The following CNTLN variants were observed in gnomAD, a reference collection of about 807,000 sequenced individuals.
The protein encoded by CNTLN is centlein.
Under a neutral mutation model 180.0 loss-of-function variants are expected in CNTLN, and 212 were observed. That is an observed-to-expected ratio of 1.18 (90% CI 1.05 to 1.32). The LOEUF is 1.32. CNTLN is among the 40% of genes most tolerant of loss of function. The pLI, the probability that CNTLN is intolerant of heterozygous loss-of-function variation, is 0.00. For missense variants in CNTLN, 2,095 were observed against 1,610.9 expected, an observed-to-expected ratio of 1.30 and a Z score of -5.14; for synonymous variants, 722 against 563.1, an observed-to-expected ratio of 1.28 and a Z score of -3.99.
intron 23 of CNTLN, among the ~76,000 whole-genome samples, chr9:17,475,739 G>T (rs1832300321): frequency 6.6e-6 from 1 of 151,942 alleles, no homozygotes; most frequent in South Asian, 2.1e-4. Flanking sequence ...TGGGCATGGT[G>T]GTGGGCACCT....
chr9:17,234,375 C>T (rs115797560), intron 3 of CNTLN, among the ~76,000 whole-genome samples: 7 of 151,824 alleles, frequency 4.6e-5, no homozygotes, highest in African/African-American at 7.3e-5. Flanking sequence ...TCCAGGAGTT[C>T]GAGGCTGCCG....
At position 17,298,269 on chromosome 9, in the gene CNTLN, CT is replaced by C. The variant is rs1415573144; in HGVS notation, c.1065del (p.Gln356ArgfsTer11). ...CCAGCAAGCAGAGCTGATCCAGCAG[CT>C]TCAGGTTCTCAATATGGACACACAA... Reference protein sequence around the residue: ...TAQQAELIQQLQVLNMDTQKV... With the variant: ...TAQQAELIQQXQVLNMDTQKV... On this transcript the variant is annotated frameshift_variant, in exon 7 of 26. Coordinates refer to ENST00000380647, the MANE Select transcript of CNTLN (RefSeq NM_017738.4). LOFTEE classifies it high-confidence loss of function. The C allele has an allele frequency of 6.2e-7, 1 of 1,613,474 alleles. No individual in the cohort carries two copies. The highest frequency in any genetic ancestry group is 8.5e-7 in the Non-Finnish European group (1 of 1,179,842).
chr9:17,487,502 T>A (rs1832951327), intron 25 of CNTLN, among the ~76,000 whole-genome samples: 1 of 152,182 alleles, frequency 6.6e-6, no homozygotes, highest in Admixed American at 6.5e-5. Flanking sequence ...AGACAGCTGT[T>A]TATTACTGTG....
At chr9:17,314,925 C>G (rs556033371) in intron 8 of CNTLN, among the ~76,000 whole-genome samples, 2 of 152,284 alleles carry the variant, frequency 1.3e-5, no homozygotes, top group South Asian at 2.1e-4. Flanking sequence ...AAATCATTTT[C>G]TATACAATGC....
intron 2 of CNTLN, among the ~76,000 whole-genome samples, chr9:17,193,653 G>C (rs560161755): frequency 6.6e-6 from 1 of 152,266 alleles, no homozygotes; most frequent in East Asian, 1.9e-4. Flanking sequence ...CTGGCATCGA[G>C]TGTCAGCGGC....
chr9:17,171,865 T>A (rs1287272106), intron 2 of CNTLN, among the ~76,000 whole-genome samples: 2 of 151,980 alleles, frequency 1.3e-5, no homozygotes, highest in Non-Finnish European at 2.9e-5. Context: ...ACTCTCCCTG[T>A]GGTGGTGGCT....
chr9:17,350,322 C>T (rs532220446), intron 12 of CNTLN, among the ~76,000 whole-genome samples: 1 of 152,248 alleles, frequency 6.6e-6, no homozygotes, highest in South Asian at 2.1e-4. Flanking sequence ...CAGAAATGTG[C>T]AGTGGTTTAG....
intron 5 of CNTLN, among the ~76,000 whole-genome samples, chr9:17,260,960 C>T (rs1587380074): frequency 6.6e-6 from 1 of 151,290 alleles, no homozygotes; most frequent in East Asian, 1.9e-4. Context: ...TTTTTGTCAG[C>T]TTTGTTAAGG....
chr9:17,362,780 G>GC (rs1043924872), intron 12 of CNTLN, among the ~76,000 whole-genome samples: 1 of 151,856 alleles, frequency 6.6e-6, no homozygotes, highest in African/African-American at 2.4e-5. Flanking sequence ...GGATACATGT[G>GC]CAGAGTATGC....
intron 14 of CNTLN, among the ~76,000 whole-genome samples, chr9:17,393,742 T>C (rs905955895): frequency 1.1e-4 from 16 of 152,198 alleles, no homozygotes; most frequent in Admixed American, 1.0e-3. Flanking sequence ...AAGATCTAAA[T>C]GTAAGTCAAC....
At chr9:17,366,820 C>G in intron 13 of CNTLN, 103 bp downstream of exon 13, 1 of 664,858 alleles carries the variant, frequency 1.5e-6, no homozygotes, top group South Asian at 1.8e-5. Flanking sequence ...CTTTTTGTTT[C>G]TTTTCCAACA....
intron 6 of CNTLN, among the ~76,000 whole-genome samples, chr9:17,283,225 G>A (rs926655193): frequency 1.3e-5 from 2 of 152,122 alleles, no homozygotes; most frequent in Non-Finnish European, 2.9e-5. Flanking sequence ...CATGAGCATG[G>A]AATGTTTTTT....
At chr9:17,489,832 C>T (rs1358389633) in intron 25 of CNTLN, among the ~76,000 whole-genome samples, 1 of 152,072 alleles carries the variant, frequency 6.6e-6, no homozygotes, top group Non-Finnish European at 1.5e-5. Flanking sequence ...TTATCTGCAG[C>T]TTGTCTTTGT....
At chr9:17,446,453 T>G (rs1481336578) in intron 18 of CNTLN, among the ~76,000 whole-genome samples, 1 of 152,196 alleles carries the variant, frequency 6.6e-6, no homozygotes, top group East Asian at 1.9e-4. Context: ...AATGATGATC[T>G]TTAGCCTTTG....
At chr9:17,293,694 G>A (rs908184496) in intron 6 of CNTLN, among the ~76,000 whole-genome samples, 1 of 152,144 alleles carries the variant, frequency 6.6e-6, no homozygotes, top group African/African-American at 2.4e-5. Flanking sequence ...CCTACTCCCC[G>A]GGAACTCAGG....
intron 7 of CNTLN, among the ~76,000 whole-genome samples, chr9:17,302,312 C>T (rs763221801): frequency 2.0e-5 from 3 of 152,086 alleles, no homozygotes; most frequent in African/African-American, 7.2e-5. Context: ...ATTCCCCCAC[C>T]TTAGCCTCCC....
At chr9:17,230,610 A>T (rs577741340) in intron 3 of CNTLN, among the ~76,000 whole-genome samples, 16 of 152,010 alleles carry the variant, frequency 1.1e-4, no homozygotes, top group African/African-American at 3.6e-4. Context: ...GTAAAACCCC[A>T]TGAGTCTGGG....
chr9:17,283,865 G>T (rs187189487), intron 6 of CNTLN, among the ~76,000 whole-genome samples: 1 of 152,118 alleles, frequency 6.6e-6, no homozygotes, highest in Admixed American at 6.6e-5. Flanking sequence ...TGTGTTTGCT[G>T]TCTTTAGTTC....
At chr9:17,151,505 G>A (rs1358355312) in intron 2 of CNTLN, among the ~76,000 whole-genome samples, 4 of 152,218 alleles carry the variant, frequency 2.6e-5, no homozygotes, top group Non-Finnish European at 4.4e-5. Context: ...TCCCAGGGAT[G>A]AAGCCAACTT....
Sources: gnomAD v4.1 joint callset for allele counts (sites outside exome capture counted in the v4.1 genomes callset) on GRCh38, gnomAD v4.1.1 for gene constraint, MANE v1.5 for transcripts, NCBI Gene and HGNC (gene_info 2026-07-23, HGNC 2026-07-21) for gene names.